Variants in YAF2 observed in about 807,000 individuals in gnomAD.
The protein encoded by YAF2 is YY1 associated factor 2.
In YAF2, 7 loss-of-function variants were observed where a neutral mutation model predicts 20.1. The ratio of observed to expected loss-of-function variants is 0.35; its 90% CI spans 0.20 to 0.65. The LOEUF is 0.65. YAF2 is among the 30% of genes least tolerant of loss of function. YAF2 has a pLI of 0.69. For missense variants in YAF2, 151 were observed against 219.2 expected (o/e 0.69, Z 1.96); for synonymous variants, 74 against 76.0 (o/e 0.97, Z 0.14).
chr12:42,233,259 A>C, intron 2 of YAF2: 1 of 985,422 alleles, frequency 1.0e-6, no homozygotes, highest in Non-Finnish European at 1.2e-6. Context: ...AATATCCTCT[A>C]ACAAAATGTA....
At chr12:42,233,524 T>C in intron 2 of YAF2, 1 of 972,864 alleles carries the variant, frequency 1.0e-6, no homozygotes, top group Non-Finnish European at 1.2e-6. Flanking sequence ...AGAATTTTGT[T>C]TTTTTGAGAC....
chr12:42,206,460 T>C (rs879454740), intron 2 of YAF2, among the ~76,000 whole-genome samples: 13 of 151,882 alleles, frequency 8.6e-5, no homozygotes, highest in Non-Finnish European at 1.8e-4. Context: ...AATACAAAAA[T>C]TAAGTGGACG....
rs2068139247 is a variant in YAF2, at chr12:42,235,961, G to C, written c.152+1638C>G. 2.0e-6 allele frequency: 3 copies of C among 1,535,920 alleles called. No homozygotes were observed. The South Asian group carries it at 3.6e-5, about 18-fold the overall frequency. On this transcript the variant is annotated intron_variant, in intron 2 of 3. Coordinates refer to ENST00000534854, the MANE Select transcript of YAF2 (RefSeq NM_005748.6). ...TTCCTCTAACCCCAAGACTGGCTGT[G>C]GAGTAGGACACCAGCTTCCCCCCTT...
Position 42,160,875 on chromosome 12 carries a change from T to C in YAF2, c.306-49A>G, listed in dbSNP as rs200487041. ...TAAACTAGCTTTTCCCTCTACCAAA[T>C]TTCTGAGCATATAATAAATAATAAA... On this transcript the variant is annotated intron_variant, in intron 3 of 3. Coordinates refer to ENST00000534854, the MANE Select transcript of YAF2 (RefSeq NM_005748.6). The C allele has an allele frequency of 1.4e-5, 21 of 1,474,910 alleles. No homozygotes were observed. In the East Asian group the frequency reaches 4.1e-4, roughly 29 times the overall value. The allele number at this position is 1,474,910 out of a possible 1,614,324, so 91.4% of individuals were successfully genotyped here. A position where few individuals can be genotyped will look rare whatever the true frequency, so the allele number is the denominator to read the frequency against.
At chr12:42,171,397 A>G (rs1341081535) in intron 2 of YAF2, among the ~76,000 whole-genome samples, 8 of 152,106 alleles carry the variant, frequency 5.3e-5, no homozygotes, top group Non-Finnish European at 7.4e-5. Context: ...CTGAGGCAGG[A>G]GGATCACTTG....
intron 2 of YAF2, among the ~76,000 whole-genome samples, chr12:42,236,271 C>T (rs1326191623): frequency 6.6e-6 from 1 of 152,232 alleles, no homozygotes; most frequent in African/African-American, 2.4e-5. Context: ...TTTCAAAATA[C>T]TTAAATCACA....
intron 2 of YAF2, among the ~76,000 whole-genome samples, chr12:42,211,507 C>T (rs2067208988): frequency 1.3e-5 from 2 of 149,328 alleles, no homozygotes; most frequent in Middle Eastern, 7.1e-3. Flanking sequence ...GAGGCCAAGG[C>T]AGGTGGATCA....
chr12:42,160,868 T>G (rs376669913), intron 3 of YAF2, 42 bp from the exon 4 acceptor site: 1 of 1,519,342 alleles, frequency 6.6e-7, no homozygotes, highest in Non-Finnish European at 8.9e-7. Context: ...CTTTTCCCTC[T>G]ACCAAATTTC....
At chr12:42,206,917 T>C (rs1018487472) in intron 2 of YAF2, among the ~76,000 whole-genome samples, 5 of 152,144 alleles carry the variant, frequency 3.3e-5, no homozygotes, top group Non-Finnish European at 7.3e-5. Context: ...CAATGACCCA[T>C]ATACCTTCTA....
rs769223015 is a variant in YAF2 at position 42,160,722 on chromosome 12, G to A, written c.410C>T (p.Pro137Leu). 2.6e-5 allele frequency: 42 copies of A among 1,613,382 alleles called. No individual in the cohort carries two copies. The highest frequency in any genetic ancestry group is 1.1e-4 in the East Asian group (5 of 44,872). The change falls in exon 4 of 4, where the codon CCG (proline) becomes CTG (leucine). Residue 137 changes from proline to leucine, a missense_variant. Transcript: ENST00000534854. ...ITDFKEKTKS[P>L]PASSAASADQ... Reference sequence around the variant, plus strand: ...TGCAGAAGCAGCACTAGATGCAGGCGGTGACTTTGTTTTCTCCTTAAAGTC... The same window carrying A: ...TGCAGAAGCAGCACTAGATGCAGGCAGTGACTTTGTTTTCTCCTTAAAGTC...
chr12:42,169,666 G>A (rs2065996288), intron 2 of YAF2, among the ~76,000 whole-genome samples: 1 of 152,126 alleles, frequency 6.6e-6, no homozygotes, highest in African/African-American at 2.4e-5. Flanking sequence ...ACCTGCCTCA[G>A]CCTCCCAAAG....
At chr12:42,194,270 C>T (rs765534064) in intron 2 of YAF2, among the ~76,000 whole-genome samples, 26 of 152,172 alleles carry the variant, frequency 1.7e-4, no homozygotes, top group Non-Finnish European at 2.6e-4. Context: ...GGCCTTCCTT[C>T]ACATTCATTC....
intron 2 of YAF2, among the ~76,000 whole-genome samples, chr12:42,179,519 C>G (rs779768566): frequency 5.9e-5 from 9 of 152,114 alleles, no homozygotes; most frequent in Non-Finnish European, 8.8e-5. Flanking sequence ...TGAAACACAT[C>G]AAATCTGAAG....
chr12:42,177,404 A>G (rs1025530707), intron 2 of YAF2, among the ~76,000 whole-genome samples: 3 of 152,050 alleles, frequency 2.0e-5, no homozygotes, highest in African/African-American at 7.2e-5. Context: ...TTCTACTTAC[A>G]TTTCCTTCTG....
intron 2 of YAF2, chr12:42,231,836 C>G (rs2067992990): frequency 6.6e-6 from 1 of 152,198 alleles, no homozygotes; most frequent in Non-Finnish European, 1.5e-5. Flanking sequence ...ATGATTATCA[C>G]TGGCAACATA....
chr12:42,164,859 C>G lies in YAF2; in HGVS notation c.153-3094G>C, dbSNP rs78784702. The stretch of plus-strand genomic sequence containing the variant: ...CCAAGGCAGGCAGATCATTTGAGTC[C>G]AGGAGTTCGAGGCCAGCCTGGGCAA... On this transcript the variant is annotated intron_variant, in intron 2 of 3. Coordinates refer to ENST00000534854, the MANE Select transcript of YAF2 (RefSeq NM_005748.6). Among the ~76,000 whole-genome samples, 1,202 of 152,026 alleles carry G rather than the reference C, an allele frequency of 7.9e-3. 39 individuals carry two copies. In the East Asian group the frequency reaches 0.1, roughly 13 times the overall value.
intron 2 of YAF2, among the ~76,000 whole-genome samples, chr12:42,178,940 G>C (rs1016177336): frequency 3.3e-5 from 5 of 151,986 alleles, no homozygotes; most frequent in African/African-American, 1.2e-4. Flanking sequence ...GTAGTCTTAC[G>C]TACTCAGAAG....
At chr12:42,232,413 ACT>A in intron 2 of YAF2, 1 of 985,298 alleles carries the variant, frequency 1.0e-6, no homozygotes, top group Non-Finnish European at 1.2e-6. Context: ...TTTGAAAACC[ACT>A]CTGATATCCA....
intron 2 of YAF2, among the ~76,000 whole-genome samples, chr12:42,171,826 T>A (rs1706053366): frequency 1.3e-5 from 2 of 149,298 alleles, no homozygotes; most frequent in Non-Finnish European, 3.0e-5. Flanking sequence ...TGGCCAGGTG[T>A]ACTGGTGCGT....
Sources: gnomAD v4.1 joint callset for allele counts (sites outside exome capture counted in the v4.1 genomes callset) on GRCh38, gnomAD v4.1.1 for gene constraint, MANE v1.5 for transcripts, NCBI Gene and HGNC (gene_info 2026-07-23, HGNC 2026-07-21) for gene names.